The following CSTPP1 variants were observed in gnomAD, a reference collection of about 807,000 sequenced individuals.
CSTPP1 encodes centriolar satellite-associated tubulin polyglutamylase complex regulator 1, also known as UPF0705 protein C11orf49.
At chr11:46,942,865 G>T in the CSTPP1 span, among the ~76,000 whole-genome samples, 2 of 152,064 alleles carry the variant, frequency 1.3e-5, no homozygotes, top group Admixed American at 1.3e-4. Flanking sequence ...GTAAACAGGG[G>T]TTCATACCCA....
chr11:47,129,625 A>G, the CSTPP1 span, among the ~76,000 whole-genome samples: 1 of 152,150 alleles, frequency 6.6e-6, no homozygotes, highest in Non-Finnish European at 1.5e-5. Context: ...TCGACACAGT[A>G]TAGGGGATTC....
chr11:47,080,194 G>T, the CSTPP1 span, among the ~76,000 whole-genome samples: 1 of 152,216 alleles, frequency 6.6e-6, no homozygotes, highest in Non-Finnish European at 1.5e-5. Flanking sequence ...GGTGGCTCAC[G>T]CCTGTAATCC....
the CSTPP1 span, among the ~76,000 whole-genome samples, chr11:47,027,827 G>A: frequency 6.6e-6 from 1 of 152,000 alleles, no homozygotes; most frequent in African/African-American, 2.4e-5. Context: ...CAAAGATCTT[G>A]GATTCTAATT....
chr11:47,041,738 C>A, the CSTPP1 span: 2 of 531,870 alleles, frequency 3.8e-6, no homozygotes, highest in Non-Finnish European at 3.8e-6. Flanking sequence ...TTGGTAGGCA[C>A]CTTTGAGAAC....
chr11:47,022,273 GTCTCCACTCTAT>G, the CSTPP1 span, among the ~76,000 whole-genome samples: 1 of 146,956 alleles, frequency 6.8e-6, no homozygotes, highest in African/African-American at 2.5e-5. Flanking sequence ...TGAATTTGAT[GTCTCCACTCTAT>G]TCTACATTGT....
chr11:46,943,891 T>G, the CSTPP1 span, among the ~76,000 whole-genome samples: 33 of 152,212 alleles, frequency 2.2e-4, no homozygotes, highest in East Asian at 6.0e-3. Context: ...TGCAACAGCA[T>G]GCATCTGTAG....
At chr11:47,145,863 T>C in the CSTPP1 span, among the ~76,000 whole-genome samples, 136 of 152,250 alleles carry the variant, frequency 8.9e-4, no homozygotes, top group Non-Finnish European at 1.6e-3. Flanking sequence ...CTCGAACTCC[T>C]GGCCTCAGGC....
chr11:47,087,353 C>A, the CSTPP1 span, among the ~76,000 whole-genome samples: 1 of 152,162 alleles, frequency 6.6e-6, no homozygotes, highest in African/African-American at 2.4e-5. Context: ...CCACCTGAGC[C>A]TTTTGTTCCT....
chr11:47,008,433 A>T, the CSTPP1 span, among the ~76,000 whole-genome samples: 1 of 152,224 alleles, frequency 6.6e-6, no homozygotes, highest in Non-Finnish European at 1.5e-5. Flanking sequence ...AGTGGTGATA[A>T]GTATAAATGA....
the CSTPP1 span, chr11:47,155,627 C>T: frequency 7.8e-6 from 2 of 256,480 alleles, no homozygotes; most frequent in East Asian, 8.4e-5. Flanking sequence ...TGACAACAGC[C>T]TTGAGAGAGA....
At chr11:47,141,618 A>T in the CSTPP1 span, among the ~76,000 whole-genome samples, 34 of 150,310 alleles carry the variant, frequency 2.3e-4, 1 homozygote, top group East Asian at 4.7e-3. Context: ...AAAAAAAAAA[A>T]AAATCAAATA....
chr11:47,001,832 T>A, the CSTPP1 span, among the ~76,000 whole-genome samples: 1 of 152,172 alleles, frequency 6.6e-6, no homozygotes, highest in African/African-American at 2.4e-5. Context: ...GGGGTTCTTC[T>A]TGTGTCCATG....
chr11:47,157,759 C>A, the CSTPP1 span: 1 of 1,536,410 alleles, frequency 6.5e-7, no homozygotes, highest in South Asian at 1.1e-5. Flanking sequence ...AGTATGGATG[C>A]AGAGGTGGCC....
chr11:47,099,694 G>GT, the CSTPP1 span, among the ~76,000 whole-genome samples: 4 of 152,192 alleles, frequency 2.6e-5, no homozygotes, highest in Admixed American at 6.5e-5. Flanking sequence ...GTGCAGTCCT[G>GT]TTTGTATTGC....
chr11:47,143,268 C>A, the CSTPP1 span, among the ~76,000 whole-genome samples: 6 of 152,188 alleles, frequency 3.9e-5, no homozygotes, highest in African/African-American at 1.4e-4. Context: ...CACACACATA[C>A]CTATGCATCT....
At chr11:47,136,493 C>T in the CSTPP1 span, among the ~76,000 whole-genome samples, 2 of 152,198 alleles carry the variant, frequency 1.3e-5, no homozygotes, top group African/African-American at 4.8e-5. Flanking sequence ...AACTCTCTGT[C>T]CCCACCTTGA....
chr11:46,959,314 T>A, the CSTPP1 span, among the ~76,000 whole-genome samples: 1 of 152,114 alleles, frequency 6.6e-6, no homozygotes, highest in Non-Finnish European at 1.5e-5. Flanking sequence ...TTTTTGAAGC[T>A]ACTTGTTTAG....
chr11:46,963,713 A>G, the CSTPP1 span, among the ~76,000 whole-genome samples: 22 of 151,644 alleles, frequency 1.5e-4, no homozygotes, highest in African/African-American at 5.3e-4. Flanking sequence ...TGAACCCTGG[A>G]GATAAAGGTT....
chr11:46,945,640 A>C, the CSTPP1 span, among the ~76,000 whole-genome samples: 1 of 151,992 alleles, frequency 6.6e-6, no homozygotes, highest in African/African-American at 2.4e-5. Context: ...AATAAATAAA[A>C]TAATTATGAA....
Sources: allele counts gnomAD v4.1 joint callset (sites outside exome capture counted in the v4.1 genomes callset), GRCh38; gene constraint gnomAD v4.1.1; transcripts MANE v1.5; gene names NCBI Gene and HGNC (gene_info 2026-07-23, HGNC 2026-07-21).